Variants in ATG7 observed in about 807,000 individuals in gnomAD.
ATG7 encodes ubiquitin-like modifier-activating enzyme ATG7.
Under a neutral mutation model 82.4 loss-of-function variants are expected in ATG7, and 70 were observed. The ratio of observed to expected loss-of-function variants is 0.85; its 90% CI spans 0.70 to 1.04. The LOEUF (loss-of-function observed/expected upper bound fraction) is 1.04. Among genes scored for constraint, ATG7 ranks in the 50% least tolerant of loss-of-function variants. The pLI, the probability that ATG7 is intolerant of heterozygous loss-of-function variation, is 0.00. For missense variants in ATG7, 792 were observed against 864.3 expected, an observed-to-expected ratio of 0.92 and a Z score of 1.05; for synonymous variants, 287 against 313.0, an observed-to-expected ratio of 0.92 and a Z score of 0.88.
At chr3:11,399,922 T>C (rs1345232565) in intron 19 of ATG7, among the ~76,000 whole-genome samples, 1 of 152,320 alleles carries the variant, frequency 6.6e-6, no homozygotes, top group East Asian at 1.9e-4. Context: ...TGTTCTTGAC[T>C]GGGTTGTAGT....
Position 11,417,807 on chromosome 3 carries a change from TTTATTTTA to T in ATG7, c.1957-8994_1957-8987del, listed in dbSNP as rs1262776973. ...AAAATTATTATTATTATTATTTTAT[TTTATTTTA>T]TTTTTTTTTTTTTTGAGACAGAGTC... On this transcript the variant is annotated intron_variant, in intron 19 of 20. Coordinates refer to ENST00000693202, the MANE Select transcript of ATG7 (RefSeq NM_001349232.2). Among the ~76,000 whole-genome samples the T allele has an allele frequency of 1.4e-3, 180 of 124,840 alleles. 1 individual carries two copies. The highest frequency in any genetic ancestry group is 9.4e-3 in the East Asian group (37 of 3,928). The allele number at this position is 124,840 out of a possible 152,430, so 81.9% of individuals were successfully genotyped here. A position where few individuals can be genotyped will look rare whatever the true frequency, so the allele number is the denominator to read the frequency against.
chr3:11,369,319 C>G (rs992022990), intron 18 of ATG7, among the ~76,000 whole-genome samples: 1 of 150,980 alleles, frequency 6.6e-6, no homozygotes. Flanking sequence ...GGTTCTAAAC[C>G]TCTCTGGTTG....
chr3:11,455,125 G>A (rs1178490776), intron 20 of ATG7, among the ~76,000 whole-genome samples: 3 of 152,174 alleles, frequency 2.0e-5, no homozygotes, highest in Admixed American at 2.0e-4. Flanking sequence ...TACAAAGTAA[G>A]GTATGCCTAA....
At chr3:11,390,061 G>A (rs1202836971) in intron 19 of ATG7, among the ~76,000 whole-genome samples, 1 of 152,218 alleles carries the variant, frequency 6.6e-6, no homozygotes, top group Non-Finnish European at 1.5e-5. Flanking sequence ...GAGGCAAGTG[G>A]TAATTACTCA....
At chr3:11,486,664 G>T (rs2089687362) in intron 20 of ATG7, among the ~76,000 whole-genome samples, 1 of 152,034 alleles carries the variant, frequency 6.6e-6, no homozygotes, top group Admixed American at 6.6e-5. Context: ...GTATGATATT[G>T]GCTGTGGGTC....
At chr3:11,350,174 T>C (rs2075431249) in intron 14 of ATG7, among the ~76,000 whole-genome samples, 1 of 152,250 alleles carries the variant, frequency 6.6e-6, no homozygotes, top group Admixed American at 6.5e-5. Flanking sequence ...TGTTAATGTT[T>C]TTGTCCATTT....
chr3:11,306,897 C>A lies in ATG7; in HGVS notation c.216-46C>A, dbSNP rs118143873. ...TGGTGGTTGACTTGTCTCTCCCTGG[C>A]TGAGTCCCAGCTGTGCCTGACTAAC... On this transcript the variant is annotated intron_variant, in intron 5 of 20. Coordinates refer to ENST00000693202, the MANE Select transcript of ATG7 (RefSeq NM_001349232.2). The A allele has an allele frequency of 2.3e-3, 3,505 of 1,501,234 alleles. 92 individuals carry two copies. In the East Asian group the frequency reaches 0.058, roughly 25 times the overall value. The allele number at this position is 1,501,234 out of a possible 1,614,324, so 93.0% of individuals were successfully genotyped here.
chr3:11,306,922 C>A, intron 5 of ATG7, 21 bp from the exon 6 acceptor site: 1 of 1,599,952 alleles, frequency 6.3e-7, no homozygotes, highest in Non-Finnish European at 8.6e-7. Context: ...GCCTGACTAA[C>A]CGTGTTTCTC....
chr3:11,534,140 C>T (rs2092745170), intron 20 of ATG7, among the ~76,000 whole-genome samples: 1 of 152,220 alleles, frequency 6.6e-6, no homozygotes, highest in Non-Finnish European at 1.5e-5. Flanking sequence ...TTGCCCAGGG[C>T]TTGTCACCTG....
chr3:11,439,692 A>C (rs1258127299), intron 20 of ATG7, among the ~76,000 whole-genome samples: 1 of 152,150 alleles, frequency 6.6e-6, no homozygotes, highest in African/African-American at 2.4e-5. Context: ...AGCAAGAGAG[A>C]GCTCCAGGGA....
chr3:11,479,640 A>G (rs2088688517), intron 20 of ATG7, among the ~76,000 whole-genome samples: 1 of 152,218 alleles, frequency 6.6e-6, no homozygotes, highest in South Asian at 2.1e-4. Context: ...TTGGATAGCA[A>G]TTGTCAAGAG....
intron 20 of ATG7, among the ~76,000 whole-genome samples, chr3:11,510,641 T>C (rs971031928): frequency 1.3e-5 from 2 of 152,206 alleles, no homozygotes; most frequent in African/African-American, 4.8e-5. Context: ...GACTGTCCTT[T>C]CTTTACATCC....
chr3:11,300,696 T>C (rs1946649412), intron 5 of ATG7, among the ~76,000 whole-genome samples: 1 of 152,202 alleles, frequency 6.6e-6, no homozygotes, highest in Non-Finnish European at 1.5e-5. Flanking sequence ...TTTACGATGG[T>C]GAGAAAGCGA....
At chr3:11,366,087 G>A (rs1472496252) in intron 18 of ATG7, among the ~76,000 whole-genome samples, 2 of 151,918 alleles carry the variant, frequency 1.3e-5, no homozygotes, top group African/African-American at 2.4e-5. Flanking sequence ...GCGTGATAGT[G>A]TGCACCTGTA....
intron 20 of ATG7, among the ~76,000 whole-genome samples, chr3:11,451,084 A>G (rs1208303299): frequency 7.9e-5 from 12 of 152,342 alleles, no homozygotes. Context: ...ACCTTAATGA[A>G]ATGAAAAAGA....
At chr3:11,510,659 A>C (rs1200697584) in intron 20 of ATG7, among the ~76,000 whole-genome samples, 1 of 152,194 alleles carries the variant, frequency 6.6e-6, no homozygotes, top group Admixed American at 6.5e-5. Context: ...TCCTCTTCCC[A>C]GGGCTTCATG....
intron 20 of ATG7, among the ~76,000 whole-genome samples, chr3:11,528,803 G>A (rs572849630): frequency 3.7e-4 from 53 of 144,558 alleles, no homozygotes; most frequent in African/African-American, 1.0e-3. Flanking sequence ...TCCAGCATGG[G>A]CGACAGAGCA....
intron 20 of ATG7, among the ~76,000 whole-genome samples, chr3:11,515,291 C>T (rs1461695958): frequency 5.0e-5 from 3 of 60,454 alleles, no homozygotes; most frequent in Admixed American, 3.5e-4. Flanking sequence ...CACTGTGTCT[C>T]TTGCGCGTGT....
At chr3:11,423,348 T>G (rs1345685494) in intron 19 of ATG7, among the ~76,000 whole-genome samples, 1 of 152,134 alleles carries the variant, frequency 6.6e-6, no homozygotes, top group Non-Finnish European at 1.5e-5. Flanking sequence ...GATATAATAA[T>G]AATGAAAAAG....
Sources: gnomAD v4.1 joint callset for allele counts (sites outside exome capture counted in the v4.1 genomes callset) on GRCh38, gnomAD v4.1.1 for gene constraint, MANE v1.5 for transcripts, NCBI Gene and HGNC (gene_info 2026-07-23, HGNC 2026-07-21) for gene names.